EXTL2: variants seen among roughly 807,000 people sequenced by gnomAD.
The protein encoded by EXTL2 is exostosin-like 2.
In EXTL2, 23 loss-of-function variants were observed where a neutral mutation model predicts 30.7. The observed-to-expected ratio is 0.75, with a 90% confidence interval of 0.54 to 1.06. The LOEUF (loss-of-function observed/expected upper bound fraction) is 1.06. EXTL2 is among the 50% of genes least tolerant of loss of function. The pLI, the probability that EXTL2 is intolerant of heterozygous loss-of-function variation, is 0.00. For missense variants in EXTL2, 352 were observed against 396.3 expected (o/e 0.89, Z 0.95); for synonymous variants, 123 against 133.8 (o/e 0.92, Z 0.56).
chr1:100,892,260 G>A (rs1650486599), intron 1 of EXTL2, among the ~76,000 whole-genome samples: 1 of 152,146 alleles, frequency 6.6e-6, no homozygotes, highest in African/African-American at 2.4e-5. Flanking sequence ...CCAATTGGCT[G>A]CCAGCCTGGC....
chr1:100,881,814 G>T (rs1649579178), intron 2 of EXTL2, among the ~76,000 whole-genome samples: 1 of 152,086 alleles, frequency 6.6e-6, no homozygotes, highest in South Asian at 2.1e-4. Context: ...TTGATACATT[G>T]TTACTTAGCG....
At chr1:100,887,612 A>G (rs1320437693) in intron 2 of EXTL2, among the ~76,000 whole-genome samples, 2 of 152,360 alleles carry the variant, frequency 1.3e-5, no homozygotes, top group East Asian at 3.8e-4. Flanking sequence ...GAGATTGAGA[A>G]TACAGTATTA....
intron 4 of EXTL2, among the ~76,000 whole-genome samples, chr1:100,876,501 A>C (rs1188273210): frequency 6.6e-6 from 1 of 152,020 alleles, no homozygotes; most frequent in Non-Finnish European, 1.5e-5. Context: ...ACATCTCCTC[A>C]TTCTAGTTTT....
chr1:100,893,202 A>T (rs1650569950), intron 1 of EXTL2, among the ~76,000 whole-genome samples: 1 of 152,262 alleles, frequency 6.6e-6, no homozygotes, highest in African/African-American at 2.4e-5. Flanking sequence ...TTATGATCTT[A>T]TAAACCGATT....
At chr1:100,888,066 A>G (rs912215407) in intron 2 of EXTL2, among the ~76,000 whole-genome samples, 1 of 152,218 alleles carries the variant, frequency 6.6e-6, no homozygotes, top group African/African-American at 2.4e-5. Context: ...CTACAAGAAT[A>G]TTCAACTCTA....
chr1:100,892,101 T>C (rs550913615), intron 1 of EXTL2, among the ~76,000 whole-genome samples: 1 of 152,334 alleles, frequency 6.6e-6, no homozygotes, highest in East Asian at 1.9e-4. Flanking sequence ...TATTGTCAAC[T>C]TGATTGAATT....
chr1:100,878,651 G>A (rs1046683624), intron 2 of EXTL2, among the ~76,000 whole-genome samples: 11 of 152,102 alleles, frequency 7.2e-5, no homozygotes, highest in Non-Finnish European at 1.6e-4. Context: ...TTAGAGTCTG[G>A]ATTTTACTAT....
intron 1 of EXTL2, among the ~76,000 whole-genome samples, chr1:100,889,139 A>G (rs1299625802): frequency 8.5e-5 from 13 of 152,182 alleles, no homozygotes; most frequent in Admixed American, 8.5e-4. Context: ...GGTTTAATTG[A>G]CTCATAGTTC....
intron 2 of EXTL2, chr1:100,886,037 T>C (rs1649940199): frequency 2.6e-5 from 4 of 152,266 alleles, no homozygotes; most frequent in Admixed American, 6.5e-5. Flanking sequence ...TGTGATCTTA[T>C]GTTTATGGCC....
intron 1 of EXTL2, among the ~76,000 whole-genome samples, chr1:100,892,871 T>C (rs1249056159): frequency 6.6e-6 from 1 of 152,190 alleles, no homozygotes; most frequent in Non-Finnish European, 1.5e-5. Context: ...TTGAAGCATC[T>C]AAAAGGGTCA....
intron 1 of EXTL2, among the ~76,000 whole-genome samples, chr1:100,891,988 T>C (rs1048362083): frequency 2.0e-5 from 3 of 152,224 alleles, no homozygotes; most frequent in Non-Finnish European, 2.9e-5. Flanking sequence ...ATTTCCTCAG[T>C]TATAATTTTT....
intron 1 of EXTL2, among the ~76,000 whole-genome samples, 177 bp downstream of exon 1, chr1:100,894,456 C>T (rs1650704451): frequency 6.6e-6 from 1 of 152,176 alleles, no homozygotes; most frequent in South Asian, 2.1e-4. Flanking sequence ...TGTTTTTACA[C>T]AGCAGTTTTA....
chr1:100,878,506 T>C (rs1649308261), intron 2 of EXTL2: 1 of 469,604 alleles, frequency 2.1e-6, no homozygotes, highest in Non-Finnish European at 4.4e-6. Flanking sequence ...GCAGAGGAGA[T>C]GATAGGGAGA....
rs982529859 is a variant in EXTL2 at position 100,873,184 on chromosome 1, A to G, written c.*758T>C. 6.6e-6 allele frequency: 1 copy of G among 152,228 alleles called. No homozygotes were observed. Among genetic ancestry groups the G allele is most frequent in the Non-Finnish European group, 1.5e-5 (1 of 67,980 alleles). 9.4% of individuals were successfully genotyped at this position (152,228 alleles called of 1,614,324 possible). A position where few individuals can be genotyped will look rare whatever the true frequency, so the allele number is the denominator to read the frequency against. ...TCTCAAGGTCAGATTCAGTGACAAA[A>G]TGCACTACCCGAATCTAGTAACACA... On this transcript the variant is annotated 3_prime_UTR_variant, in exon 5 of 5. Coordinates refer to ENST00000370114, the MANE Select transcript of EXTL2 (RefSeq NM_001033025.3).
intron 2 of EXTL2, chr1:100,885,516 CA>C (rs1480859163): frequency 6.6e-6 from 1 of 152,180 alleles, no homozygotes; most frequent in Non-Finnish European, 1.5e-5. Flanking sequence ...GACTTCATGA[CA>C]ATTGGCAGAA....
At chr1:100,892,133 C>G (rs1325335218) in intron 1 of EXTL2, among the ~76,000 whole-genome samples, 1 of 152,114 alleles carries the variant, frequency 6.6e-6, no homozygotes, top group African/African-American at 2.4e-5. Context: ...AGTATTGTTT[C>G]TAGGTGTATT....
intron 2 of EXTL2, among the ~76,000 whole-genome samples, chr1:100,883,517 T>C (rs1260669736): frequency 2.6e-5 from 4 of 152,192 alleles, no homozygotes; most frequent in Non-Finnish European, 4.4e-5. Context: ...TCTGGCTTTT[T>C]TCACTTAGCA....
chr1:100,886,331 C>G (rs772074382), intron 2 of EXTL2, among the ~76,000 whole-genome samples: 1 of 152,196 alleles, frequency 6.6e-6, no homozygotes, highest in Non-Finnish European at 1.5e-5. Context: ...GGTCATTTAG[C>G]ACTGCAAGCT....
In EXTL2 at chr1:100,874,127, C is replaced by G; in HGVS notation, c.808G>C (p.Asp270His). 5 of 1,612,978 alleles carry G rather than the reference C, an allele frequency of 3.1e-6. No homozygotes were observed. Among genetic ancestry groups the G allele is most frequent in the Non-Finnish European group, 4.2e-6 (5 of 1,179,480 alleles). The change falls in exon 5 of 5, where the codon GAC becomes CAC. Residue 270 changes from aspartate to histidine, a missense_variant. By Grantham distance (81) the Asp-to-His change is moderately conservative. Coordinates refer to ENST00000370114, the MANE Select transcript of EXTL2 (RefSeq NM_001033025.3). ...CTGTTGGTTTCTTTTTCCAAATTGTCCATGTTTACAGGCTTCACAAATATC... is the reference window on the plus strand; with the variant it reads ...CTGTTGGTTTCTTTTTCCAAATTGTGCATGTTTACAGGCTTCACAAATATC... ...SGIFVKPVNM[D>H]NLEKETNSGY... is the part of the protein sequence containing the mutation.
Sources: allele counts gnomAD v4.1 joint callset (sites outside exome capture counted in the v4.1 genomes callset), GRCh38; gene constraint gnomAD v4.1.1; transcripts MANE v1.5; gene names NCBI Gene and HGNC (gene_info 2026-07-23, HGNC 2026-07-21).